RABGAP1L: variants seen among roughly 807,000 people sequenced by gnomAD.
RABGAP1L encodes the protein RAB GTPase activating protein 1 like.
A neutral mutation model predicts 137.7 loss-of-function variants in RABGAP1L; 63 were observed. The ratio of observed to expected loss-of-function variants is 0.46; its 90% CI spans 0.37 to 0.56. The LOEUF (loss-of-function observed/expected upper bound fraction) is 0.56, where lower values mean the gene tolerates loss of function less well. Among genes scored for constraint, RABGAP1L ranks in the 20% least tolerant of loss-of-function variants. The pLI is 0.00. For synonymous variants in RABGAP1L, 431 were observed against 433.7 expected, an observed-to-expected ratio of 0.99 and a Z score of 0.08; for missense variants, 1,095 against 1,244.0, an observed-to-expected ratio of 0.88 and a Z score of 1.80.
At chr1:174,492,347 A>ATT (rs1273015833) in intron 13 of RABGAP1L, among the ~76,000 whole-genome samples, 7,697 of 123,944 alleles carry the variant, frequency 0.062, 914 homozygotes, top group African/African-American at 0.22. Flanking sequence ...CGCCTGACTA[A>ATT]TTTTTTTTTT....
intron 20 of RABGAP1L, among the ~76,000 whole-genome samples, chr1:174,961,816 A>C (rs1347885864): frequency 7.4e-6 from 1 of 134,632 alleles, no homozygotes; most frequent in East Asian, 2.6e-4. Flanking sequence ...ACTGCACTCC[A>C]GCGTGGGCAA....
chr1:174,458,976 C>T (rs1022318970), intron 13 of RABGAP1L, among the ~76,000 whole-genome samples: 1 of 152,028 alleles, frequency 6.6e-6, no homozygotes, highest in Non-Finnish European at 1.5e-5. Context: ...ACATATATGA[C>T]TTAAGAGAAT....
chr1:174,830,352 T>C (rs768811893), intron 19 of RABGAP1L, among the ~76,000 whole-genome samples: 5 of 148,250 alleles, frequency 3.4e-5, no homozygotes, highest in Non-Finnish European at 6.0e-5. Flanking sequence ...TTCCTTCCCA[T>C]TCAATAAAAT....
chr1:174,714,367 A>G (rs908247421), intron 17 of RABGAP1L, among the ~76,000 whole-genome samples: 1 of 152,058 alleles, frequency 6.6e-6, no homozygotes, highest in Admixed American at 6.5e-5. Flanking sequence ...TAAAATGCCT[A>G]TTTCCCCCAC....
chr1:174,735,997 A>T (rs1366076043), intron 17 of RABGAP1L, among the ~76,000 whole-genome samples: 1 of 152,194 alleles, frequency 6.6e-6, no homozygotes, highest in Non-Finnish European at 1.5e-5. Context: ...GCGAGGATGA[A>T]TATCCAGCCC....
At chr1:174,881,901 G>A (rs573502824) in intron 19 of RABGAP1L, among the ~76,000 whole-genome samples, 1 of 152,144 alleles carries the variant, frequency 6.6e-6, no homozygotes, top group African/African-American at 2.4e-5. Flanking sequence ...CGCACTTGTT[G>A]CCCAGGCTGG....
chr1:174,411,911 C>T (rs993760533), intron 13 of RABGAP1L, among the ~76,000 whole-genome samples: 4 of 152,006 alleles, frequency 2.6e-5, no homozygotes, highest in Non-Finnish European at 5.9e-5. Flanking sequence ...TGTGATTGAT[C>T]TTGGAGTATG....
At chr1:174,465,601 T>G (rs181576726) in intron 13 of RABGAP1L, among the ~76,000 whole-genome samples, 3 of 152,126 alleles carry the variant, frequency 2.0e-5, no homozygotes, top group African/African-American at 7.2e-5. Context: ...CAAATAGAGA[T>G]AAAAAGTATT....
At chr1:174,946,583 T>G (rs973492504) in intron 19 of RABGAP1L, among the ~76,000 whole-genome samples, 1 of 152,072 alleles carries the variant, frequency 6.6e-6, no homozygotes, top group Non-Finnish European at 1.5e-5. Context: ...CCAGTTTCTT[T>G]GTGAGGCTTA....
intron 11 of RABGAP1L, among the ~76,000 whole-genome samples, chr1:174,313,052 C>T (rs1389458321): frequency 6.6e-6 from 1 of 152,008 alleles, no homozygotes; most frequent in Non-Finnish European, 1.5e-5. Flanking sequence ...CTCAGCCTCC[C>T]GAGTAGCTGG....
chr1:174,715,301 T>C (rs1399637077), intron 17 of RABGAP1L, among the ~76,000 whole-genome samples: 3 of 152,200 alleles, frequency 2.0e-5, no homozygotes, highest in Non-Finnish European at 4.4e-5. Context: ...TTATAAATTA[T>C]CTATATTGTA....
At chr1:174,503,345 A>C (rs753649737) in intron 13 of RABGAP1L, among the ~76,000 whole-genome samples, 118 of 152,190 alleles carry the variant, frequency 7.8e-4, no homozygotes, top group Non-Finnish European at 9.1e-4. Flanking sequence ...AAAAATCAGG[A>C]AATAGCAGTT....
intron 19 of RABGAP1L, among the ~76,000 whole-genome samples, chr1:174,926,693 G>T (rs1490051493): frequency 6.6e-6 from 1 of 151,904 alleles, no homozygotes; most frequent in Non-Finnish European, 1.5e-5. Context: ...ACAATCGTCT[G>T]TAAAAAATGA....
At chr1:174,728,631 T>A (rs191018616) in intron 17 of RABGAP1L, among the ~76,000 whole-genome samples, 2 of 132,530 alleles carry the variant, frequency 1.5e-5, no homozygotes, top group East Asian at 4.6e-4. Flanking sequence ...GGAGTCTCAC[T>A]GTGTTGCCCA....
chr1:174,473,276 C>T (rs1455462491), intron 13 of RABGAP1L, among the ~76,000 whole-genome samples: 1 of 152,202 alleles, frequency 6.6e-6, no homozygotes, highest in Non-Finnish European at 1.5e-5. Context: ...CTCTTGATGA[C>T]ATAGGATCTC....
chr1:174,863,648 G>A (rs1230726292), intron 19 of RABGAP1L, among the ~76,000 whole-genome samples: 7 of 140,832 alleles, frequency 5.0e-5, no homozygotes, highest in African/African-American at 1.9e-4. Context: ...ACTCCAGTCT[G>A]GGTGACAGAG....
chr1:174,430,985 T>A (rs1652565157), intron 13 of RABGAP1L, among the ~76,000 whole-genome samples: 1 of 152,196 alleles, frequency 6.6e-6, no homozygotes, highest in African/African-American at 2.4e-5. Context: ...AACTTTGATA[T>A]TTCTTTATTA....
At chr1:174,293,938 A>G (rs1676865415) in intron 10 of RABGAP1L, among the ~76,000 whole-genome samples, 1 of 152,138 alleles carries the variant, frequency 6.6e-6, no homozygotes, top group African/African-American at 2.4e-5. Flanking sequence ...GTATATACAT[A>G]GTTCAGAAGC....
chr1:174,383,660 C>T (rs901120616), intron 12 of RABGAP1L, among the ~76,000 whole-genome samples: 8 of 152,218 alleles, frequency 5.3e-5, no homozygotes, highest in Middle Eastern at 3.4e-3. Flanking sequence ...GCGCACGGTG[C>T]GCGCACCCAC....
Sources: gnomAD v4.1 joint callset for allele counts (sites outside exome capture counted in the v4.1 genomes callset) on GRCh38, gnomAD v4.1.1 for gene constraint, MANE v1.5 for transcripts, NCBI Gene and HGNC (gene_info 2026-07-23, HGNC 2026-07-21) for gene names.